The following SNTG1 variants were observed in gnomAD, a reference collection of about 807,000 sequenced individuals.
SNTG1 encodes gamma-1-syntrophin.
Under a neutral mutation model 74.7 loss-of-function variants are expected in SNTG1, and 39 were observed. The ratio of observed to expected loss-of-function variants is 0.52; its 90% CI spans 0.40 to 0.68. The LOEUF (loss-of-function observed/expected upper bound fraction) is 0.68. Among genes scored for constraint, SNTG1 ranks in the 30% least tolerant of loss-of-function variants. The pLI is 0.00. For missense variants in SNTG1, 685 were observed against 609.5 expected (o/e 1.12, Z -1.30); for synonymous variants, 254 against 217.1 (o/e 1.17, Z -1.49).
intron 9 of SNTG1, among the ~76,000 whole-genome samples, chr8:50,528,327 A>G (rs1048236637): frequency 2.0e-5 from 3 of 151,968 alleles, no homozygotes; most frequent in Non-Finnish European, 4.4e-5. Flanking sequence ...CTAGAACGCT[A>G]AAGTTTTTAA....
chr8:50,166,524 C>T (rs372899403), intron 1 of SNTG1, among the ~76,000 whole-genome samples: 1,142 of 20,944 alleles, frequency 0.055, 228 homozygotes, highest in African/African-American at 0.35. Context: ...TGAAAAAATG[C>T]TCATCATCAC....
Position 50,370,517 on chromosome 8 carries a change from C to T in SNTG1, c.-27-23695C>T, listed in dbSNP as rs150407926. ...CATTTTCAGTGGAGAGTAGGAGCAGCGCTCCATTTTCAGGGCTTCAGTGGG... is the reference window on the plus strand; with the variant it reads ...CATTTTCAGTGGAGAGTAGGAGCAGTGCTCCATTTTCAGGGCTTCAGTGGG... On this transcript the variant is annotated intron_variant, in intron 2 of 18. Coordinates refer to ENST00000642720, the MANE Select transcript of SNTG1 (RefSeq NM_018967.5). Among the ~76,000 whole-genome samples the T allele has an allele frequency of 4.9e-4, 74 of 152,188 alleles. 1 individual carries two copies. The East Asian group carries it at 8.0e-3, about 16-fold the overall frequency.
At chr8:50,529,508 T>C (rs2094249069) in intron 9 of SNTG1, among the ~76,000 whole-genome samples, 1 of 152,002 alleles carries the variant, frequency 6.6e-6, no homozygotes, top group African/African-American at 2.4e-5. Flanking sequence ...TTAAAAAATA[T>C]CTTTAGAAAA....
At chr8:50,480,525 C>A (rs1351918707) in intron 8 of SNTG1, among the ~76,000 whole-genome samples, 1 of 152,152 alleles carries the variant, frequency 6.6e-6, no homozygotes, top group African/African-American at 2.4e-5. Flanking sequence ...TGTAGCATCA[C>A]ACAATCCAAG....
At chr8:49,923,647 T>A (rs971997954) in intron 1 of SNTG1, among the ~76,000 whole-genome samples, 2 of 152,148 alleles carry the variant, frequency 1.3e-5, no homozygotes, top group Admixed American at 6.6e-5. Flanking sequence ...TCAGACTATA[T>A]TATAACTGCT....
intron 1 of SNTG1, among the ~76,000 whole-genome samples, chr8:50,009,413 T>C (rs1815555097): frequency 6.6e-6 from 1 of 152,154 alleles, no homozygotes; most frequent in African/African-American, 2.4e-5. Context: ...CATGGAAATG[T>C]AATTTGGTCT....
intron 18 of SNTG1, among the ~76,000 whole-genome samples, chr8:50,766,163 C>G (rs1194748264): frequency 6.6e-6 from 1 of 151,978 alleles, no homozygotes; most frequent in Non-Finnish European, 1.5e-5. Context: ...TCCCTTACCC[C>G]ATTAGTTACC....
intron 4 of SNTG1, among the ~76,000 whole-genome samples, chr8:50,407,083 C>G (rs1279333971): frequency 6.6e-6 from 1 of 152,200 alleles, no homozygotes; most frequent in Non-Finnish European, 1.5e-5. Context: ...TCACAGTGCA[C>G]TGTTTGTGTT....
chr8:50,065,130 T>C (rs979870212), intron 1 of SNTG1, among the ~76,000 whole-genome samples: 1 of 152,178 alleles, frequency 6.6e-6, no homozygotes, highest in East Asian at 1.9e-4. Context: ...CTTAAAATAG[T>C]TATTCAAATA....
chr8:50,317,929 C>T (rs377209892), intron 2 of SNTG1, among the ~76,000 whole-genome samples: 1 of 152,118 alleles, frequency 6.6e-6, no homozygotes. Context: ...CTCCGCCTCC[C>T]GGGTTCACGC....
intron 5 of SNTG1, among the ~76,000 whole-genome samples, chr8:50,439,000 CTTGT>C (rs934706530): frequency 2.6e-5 from 4 of 151,986 alleles, no homozygotes; most frequent in African/African-American, 7.2e-5. Flanking sequence ...TTCTGTTCAT[CTTGT>C]TTATTTTTCA....
intron 15 of SNTG1, among the ~76,000 whole-genome samples, chr8:50,701,575 C>A (rs888114849): frequency 1.1e-5 from 1 of 92,186 alleles, no homozygotes; most frequent in Non-Finnish European, 2.0e-5. Flanking sequence ...TGATATAATA[C>A]CTTTTTCTTC....
At chr8:50,031,074 T>A (rs1817704647) in intron 1 of SNTG1, among the ~76,000 whole-genome samples, 1 of 152,000 alleles carries the variant, frequency 6.6e-6, no homozygotes, top group Admixed American at 6.5e-5. Flanking sequence ...TACTTAAATA[T>A]TATTTTACTC....
At chr8:50,423,078 T>C (rs2093116018) in intron 4 of SNTG1, among the ~76,000 whole-genome samples, 1 of 152,188 alleles carries the variant, frequency 6.6e-6, no homozygotes, top group African/African-American at 2.4e-5. Context: ...GCTGGCTTTA[T>C]TATGATGATA....
intron 2 of SNTG1, among the ~76,000 whole-genome samples, chr8:50,326,931 GA>G (rs1174034435): frequency 6.6e-6 from 1 of 150,966 alleles, no homozygotes. Flanking sequence ...AATATCTTTT[GA>G]TCTTTCTTTT....
chr8:50,702,022 T>G (rs2095427847), intron 15 of SNTG1, among the ~76,000 whole-genome samples: 1 of 151,928 alleles, frequency 6.6e-6, no homozygotes, highest in Non-Finnish European at 1.5e-5. Context: ...GGCTAATTTT[T>G]GTATTTTTAT....
At chr8:50,063,065 TG>T (rs1820611782) in intron 1 of SNTG1, among the ~76,000 whole-genome samples, 1 of 152,260 alleles carries the variant, frequency 6.6e-6, no homozygotes, top group Admixed American at 6.5e-5. Flanking sequence ...TGCATATTTT[TG>T]TTTCTTTAGG....
chr8:50,480,599 G>C (rs573809236), intron 8 of SNTG1, among the ~76,000 whole-genome samples: 3 of 152,106 alleles, frequency 2.0e-5, no homozygotes, highest in African/African-American at 4.8e-5. Flanking sequence ...GTCTTTTGGC[G>C]TGAAAATGTT....
At chr8:50,303,428 T>C (rs1159935922) in intron 2 of SNTG1, among the ~76,000 whole-genome samples, 5 of 152,020 alleles carry the variant, frequency 3.3e-5, no homozygotes, top group Admixed American at 2.6e-4. Flanking sequence ...TTTTATGACA[T>C]ATTCATAGAT....
Sources: gnomAD v4.1 joint callset for allele counts (sites outside exome capture counted in the v4.1 genomes callset) on GRCh38, gnomAD v4.1.1 for gene constraint, MANE v1.5 for transcripts, NCBI Gene and HGNC (gene_info 2026-07-23, HGNC 2026-07-21) for gene names.